Variants in SAMD5 observed in about 807,000 individuals in gnomAD.
The protein encoded by SAMD5 is sterile alpha motif domain containing 5.
SAMD5 carries 13 observed loss-of-function variants against 11.3 expected under a neutral mutation model. The observed-to-expected ratio is 1.15, with a 90% CI of 0.75 to 1.83. The LOEUF is 1.83. Ranked by LOEUF, SAMD5 falls within the 40% of genes most tolerant of loss-of-function variation. The pLI is 0.00. For synonymous variants in SAMD5, 129 were observed against 111.3 expected (o/e 1.16, Z -1.00); for missense variants, 255 against 239.1 (o/e 1.07, Z -0.44).
rs1194077909 is a variant in SAMD5 at position 147,643,740 on chromosome 6, GGAAA to G, written c.163-93573_163-93570del. Reference sequence around the variant, plus strand: ...AAAAGAGGGAAAGAGAAAGAGGGAAGGAAAGAAGGAAGGAAGGAAGGAAGGAAGG... The same window carrying G: ...AAAAGAGGGAAAGAGAAAGAGGGAAGGAAGGAAGGAAGGAAGGAAGGAAGG... On this transcript the variant is annotated intron_variant, in intron 1 of 1. Coordinates refer to the SAMD5 transcript ENST00000566741. 8.6e-5 allele frequency among the ~76,000 whole-genome samples: 11 copies of G among 128,312 alleles called. No homozygotes were observed. The East Asian group carries it at 1.8e-3, about 22-fold the overall frequency. 84.2% of individuals were successfully genotyped at this position (128,312 alleles called of 152,430 possible).
chr6:147,734,961 G>A (rs1231433165), intron 1 of SAMD5, among the ~76,000 whole-genome samples: 1 of 151,972 alleles, frequency 6.6e-6, no homozygotes, highest in Non-Finnish European at 1.5e-5. Flanking sequence ...AATGATATAT[G>A]TGCCTCATAT....
At chr6:147,769,517 C>T in the SAMD5 span, among the ~76,000 whole-genome samples, 2 of 152,194 alleles carry the variant, frequency 1.3e-5, no homozygotes, top group Non-Finnish European at 2.9e-5. Flanking sequence ...ATGTCACTTT[C>T]CTCTGCTGCC....
the SAMD5 span, among the ~76,000 whole-genome samples, chr6:147,784,258 T>C: frequency 3.9e-5 from 6 of 152,094 alleles, no homozygotes; most frequent in Admixed American, 1.3e-4. Context: ...GAAGCACAGA[T>C]GGATGGTATC....
chr6:147,848,279 T>C, the SAMD5 span, among the ~76,000 whole-genome samples: 1 of 152,180 alleles, frequency 6.6e-6, no homozygotes, highest in African/African-American at 2.4e-5. Flanking sequence ...GGATGAGCTC[T>C]AAAGTTATTC....
chr6:147,603,613 C>G (rs1278882334), intron 1 of SAMD5, among the ~76,000 whole-genome samples: 1 of 152,064 alleles, frequency 6.6e-6, no homozygotes, highest in Admixed American at 6.6e-5. Context: ...CTTTTGGGAA[C>G]CAGTGAGGGC....
chr6:147,776,465 G>A, the SAMD5 span, among the ~76,000 whole-genome samples: 1 of 152,088 alleles, frequency 6.6e-6, no homozygotes, highest in East Asian at 1.9e-4. Context: ...TTGGGAGTCT[G>A]CAAGCCCTGA....
intron 1 of SAMD5, among the ~76,000 whole-genome samples, chr6:147,725,534 G>T (rs961883023): frequency 6.6e-6 from 1 of 151,996 alleles, no homozygotes; most frequent in Admixed American, 6.6e-5. Context: ...GATTACAGGT[G>T]CCCACCACCA....
At chr6:147,715,255 G>A (rs772719090) in intron 1 of SAMD5, among the ~76,000 whole-genome samples, 3 of 152,240 alleles carry the variant, frequency 2.0e-5, no homozygotes, top group Non-Finnish European at 4.4e-5. Context: ...CCAAGAGTGA[G>A]CCAGGCGCAG....
chr6:147,880,382 T>A, the SAMD5 span, among the ~76,000 whole-genome samples: 12 of 151,966 alleles, frequency 7.9e-5, no homozygotes, highest in African/African-American at 2.9e-4. Context: ...CAGAGACACA[T>A]ACACACACAA....
chr6:147,768,295 C>T, the SAMD5 span, among the ~76,000 whole-genome samples: 8 of 152,142 alleles, frequency 5.3e-5, no homozygotes, highest in Non-Finnish European at 7.4e-5. Context: ...GTCAGGAGTT[C>T]GAAACCAGCC....
At chr6:147,785,891 G>C in the SAMD5 span, among the ~76,000 whole-genome samples, 1 of 152,112 alleles carries the variant, frequency 6.6e-6, no homozygotes, top group East Asian at 1.9e-4. Flanking sequence ...TAATTTCTGA[G>C]TTGAGAATCA....
chr6:147,864,473 C>G, the SAMD5 span, among the ~76,000 whole-genome samples: 210 of 152,282 alleles, frequency 1.4e-3, no homozygotes, highest in South Asian at 2.1e-3. Context: ...AGTAACATCC[C>G]AGAAAGGTGT....
the SAMD5 span, among the ~76,000 whole-genome samples, chr6:147,761,823 C>T: frequency 5.3e-5 from 8 of 152,186 alleles, no homozygotes. Context: ...AGTGATTCTC[C>T]TGTCTCAGCC....
At chr6:147,608,764 A>G (rs1789737859) in intron 1 of SAMD5, among the ~76,000 whole-genome samples, 1 of 152,152 alleles carries the variant, frequency 6.6e-6, no homozygotes, top group African/African-American at 2.4e-5. Flanking sequence ...GCCAACCATA[A>G]CTTAATTGTA....
At chr6:147,946,642 A>C in the SAMD5 span, among the ~76,000 whole-genome samples, 1 of 152,222 alleles carries the variant, frequency 6.6e-6, no homozygotes, top group Non-Finnish European at 1.5e-5. Flanking sequence ...TGGAGACTGC[A>C]ACTGCAATGA....
chr6:147,624,124 C>A (rs1004099129), intron 1 of SAMD5, among the ~76,000 whole-genome samples: 7 of 152,204 alleles, frequency 4.6e-5, no homozygotes, highest in Non-Finnish European at 1.0e-4. Flanking sequence ...CCCGCCTCAG[C>A]CTCTCAAAGT....
At chr6:147,536,818 T>C in intron 1 of SAMD5, among the ~76,000 whole-genome samples, 1 of 152,096 alleles carries the variant, frequency 6.6e-6, no homozygotes. Flanking sequence ...AACATATTTA[T>C]ACAAATACAG....
chr6:147,730,952 C>A (rs1326432973), intron 1 of SAMD5, among the ~76,000 whole-genome samples: 1 of 151,936 alleles, frequency 6.6e-6, no homozygotes, highest in Non-Finnish European at 1.5e-5. Flanking sequence ...ATGAGAGGAG[C>A]AAAAATTGTC....
the SAMD5 span, among the ~76,000 whole-genome samples, chr6:147,753,567 A>G: frequency 1.1e-4 from 16 of 152,228 alleles, no homozygotes; most frequent in African/African-American, 3.6e-4. Context: ...CAAACAATCC[A>G]ATTACACTCT....
Sources: allele counts gnomAD v4.1 joint callset (sites outside exome capture counted in the v4.1 genomes callset), GRCh38; gene constraint gnomAD v4.1.1; transcripts MANE v1.5; gene names NCBI Gene and HGNC (gene_info 2026-07-23, HGNC 2026-07-21).